Variants in PHF21B observed in about 807,000 individuals in gnomAD.
The protein encoded by PHF21B is PHD finger protein 21B, also known as PHD finger protein 4.
In PHF21B, 22 loss-of-function variants were observed where a neutral mutation model predicts 62.2. The observed-to-expected ratio is 0.35, with a 90% CI of 0.25 to 0.51. The LOEUF (loss-of-function observed/expected upper bound fraction) is 0.51. PHF21B is among the 20% of genes least tolerant of loss of function. PHF21B has a pLI of 0.97. For missense variants in PHF21B, 701 were observed against 707.9 expected, an observed-to-expected ratio of 0.99 and a Z score of 0.11; for synonymous variants, 341 against 314.7, an observed-to-expected ratio of 1.08 and a Z score of -0.88.
intron 2 of PHF21B, among the ~76,000 whole-genome samples, chr22:44,968,196 A>G (rs1212808753): frequency 6.6e-6 from 1 of 152,170 alleles, no homozygotes; most frequent in Non-Finnish European, 1.5e-5. Context: ...AGGGCGGAGT[A>G]GCTACATAAA....
chr22:44,912,970 T>C (rs534136729), intron 5 of PHF21B, among the ~76,000 whole-genome samples: 12 of 147,484 alleles, frequency 8.1e-5, no homozygotes, highest in African/African-American at 2.5e-4. Context: ...GAGTGGAGGA[T>C]GTGGGGCTGG....
intron 12 of PHF21B, among the ~76,000 whole-genome samples, chr22:44,884,386 C>T (rs1338170545): frequency 7.7e-5 from 2 of 26,106 alleles, no homozygotes; most frequent in Non-Finnish European, 1.9e-4. Context: ...ACCACCATCA[C>T]GGTGATGAGC....
intron 5 of PHF21B, among the ~76,000 whole-genome samples, chr22:44,908,479 G>C (rs1238338213): frequency 6.6e-6 from 1 of 152,140 alleles, no homozygotes; most frequent in African/African-American, 2.4e-5. Flanking sequence ...GGACACTGCT[G>C]ACTCGACGTC....
In PHF21B at chr22:44,883,111, A is replaced by G. The variant is rs1368684410; in HGVS notation, c.1571T>C (p.Val524Ala). 1.9e-6 allele frequency: 3 copies of G among 1,611,866 alleles called. No individual in the cohort carries two copies. The highest frequency in any genetic ancestry group is 2.2e-5 in the South Asian group (2 of 90,984). Residue 524 changes from valine (V) to alanine (A), a missense_variant, in exon 13 of 13, where the codon GTC becomes GCC. Physicochemically the swap from Val to Ala is moderately conservative, Grantham distance 64. Coordinates refer to ENST00000313237, the MANE Select transcript of PHF21B (RefSeq NM_138415.5). ...KPSVAATHPT[V>A]QHPQGHN Reference sequence around the variant, plus strand: ...TCAGTTGTGGCCCTGGGGGTGCTGGACGGTGGGGTGTGTGGCTGCCACTGA... The same window carrying G: ...TCAGTTGTGGCCCTGGGGGTGCTGGGCGGTGGGGTGTGTGGCTGCCACTGA...
chr22:44,888,978 C>T (rs1467376641), intron 9 of PHF21B, among the ~76,000 whole-genome samples: 1 of 152,204 alleles, frequency 6.6e-6, no homozygotes, highest in South Asian at 2.1e-4. Flanking sequence ...TCCACATGCC[C>T]GCCCTGGATG....
intron 2 of PHF21B, among the ~76,000 whole-genome samples, chr22:44,986,590 T>C (rs2072954293): frequency 6.6e-6 from 1 of 150,458 alleles, no homozygotes; most frequent in African/African-American, 2.4e-5. Context: ...CCCCCACATG[T>C]TTAGTATGTC....
chr22:44,962,115 C>T (rs545961028), intron 2 of PHF21B, among the ~76,000 whole-genome samples: 12 of 152,144 alleles, frequency 7.9e-5, no homozygotes, highest in Middle Eastern at 3.4e-3. Context: ...TATTTTCTTT[C>T]CAATATATAC....
intron 4 of PHF21B, among the ~76,000 whole-genome samples, chr22:44,914,814 G>GA (rs1240207013): frequency 6.6e-6 from 1 of 152,200 alleles, no homozygotes; most frequent in Non-Finnish European, 1.5e-5. Context: ...GTGTGATGCT[G>GA]AAAGTCAGCC....
chr22:44,987,662 A>C (rs1472259012), intron 2 of PHF21B, among the ~76,000 whole-genome samples: 1 of 151,552 alleles, frequency 6.6e-6, no homozygotes, highest in Non-Finnish European at 1.5e-5. Context: ...TGGTCATTAC[A>C]TCCGGACCCC....
intron 4 of PHF21B, among the ~76,000 whole-genome samples, chr22:44,914,875 T>C (rs2147299697): frequency 6.6e-6 from 1 of 152,258 alleles, no homozygotes; most frequent in Non-Finnish European, 1.5e-5. Flanking sequence ...ATCCGCTCCA[T>C]CTCTAGCTCT....
chr22:44,883,375 C>A, intron 12 of PHF21B, 71 bp from the exon 13 acceptor site: 2 of 1,439,200 alleles, frequency 1.4e-6, no homozygotes, highest in Non-Finnish European at 1.9e-6. Context: ...CAGCCACCGT[C>A]TGGGCCCCTC....
At chr22:44,952,017 T>G (rs1317299691) in intron 2 of PHF21B, among the ~76,000 whole-genome samples, 1 of 152,228 alleles carries the variant, frequency 6.6e-6, no homozygotes, top group Non-Finnish European at 1.5e-5. Flanking sequence ...TTCTCTGTGA[T>G]GGTGCTCACT....
rs2073363962 is a variant in PHF21B, at chr22:45,008,344, GCCCGGCTCTCCCTGCCGCCTCCGAGAA to G, written c.120+174_120+200del. 9 of 456,632 alleles carry G rather than the reference GCCCGGCTCTCCCTGCCGCCTCCGAGAA, an allele frequency of 2.0e-5. No individual in the cohort carries two copies. The East Asian group carries it at 3.3e-4, about 17-fold the overall frequency. 28.3% of individuals were successfully genotyped at this position (456,632 alleles called of 1,614,324 possible). ...AGCTCCTCTCTTCGGCCCCCGCAGGGCCCGGCTCTCCCTGCCGCCTCCGAGAACCCGGCTCTTTCTTTCCAGGAAAGG... is the reference window on the plus strand; with the variant it reads ...AGCTCCTCTCTTCGGCCCCCGCAGGGCCCGGCTCTTTCTTTCCAGGAAAGG... On this transcript the variant is annotated intron_variant, in intron 2 of 12. Transcript: ENST00000313237.
chr22:44,935,826 A>C (rs2071834986), intron 2 of PHF21B, among the ~76,000 whole-genome samples: 1 of 151,992 alleles, frequency 6.6e-6, no homozygotes, highest in African/African-American at 2.4e-5. Flanking sequence ...AGTTAGCGAG[A>C]CTAGAAAAGT....
At chr22:44,895,619 C>G (rs1001683851) in intron 6 of PHF21B, among the ~76,000 whole-genome samples, 1 of 152,168 alleles carries the variant, frequency 6.6e-6, no homozygotes, top group Non-Finnish European at 1.5e-5. Flanking sequence ...CAGAAGTAAC[C>G]TGCCCACACT....
Position 45,009,601 on chromosome 22 carries a change from A to G in PHF21B, c.-52T>C, listed in dbSNP as rs751830783. On this transcript the variant is annotated 5_prime_UTR_variant, in exon 1 of 13. Transcript: ENST00000313237. This position sits in a 1 kb window ranked among gnomAD's most constrained non-coding sequence, Gnocchi z 5.9. ...CTCACTTTGGCCCGGGCTCCCGGGA[A>G]GTTGCGCGGCTCCGCGGGGGCCAGA... 1.3e-4 allele frequency: 195 copies of G among 1,482,704 alleles called. No individual in the cohort carries two copies. Among genetic ancestry groups the G allele is most frequent in the Non-Finnish European group, 1.6e-4 (185 of 1,124,094 alleles). 91.8% of individuals were successfully genotyped at this position (1,482,704 alleles called of 1,614,324 possible).
intron 2 of PHF21B, among the ~76,000 whole-genome samples, chr22:44,949,206 C>T (rs1296758232): frequency 6.7e-6 from 1 of 148,330 alleles, no homozygotes; most frequent in Non-Finnish European, 1.5e-5. Context: ...GAGGCTGAGG[C>T]AGGAGAACTG....
At position 44,933,267 on chromosome 22, in the gene PHF21B, A is replaced by C. The variant is rs140011911; in HGVS notation, c.121-12777T>G. 3.2e-3 allele frequency among the ~76,000 whole-genome samples: 492 copies of C among 152,128 alleles called. 2 individuals carry two copies. Among genetic ancestry groups the C allele is most frequent in the African/African-American group, 0.011 (437 of 41,494 alleles). On this transcript the variant is annotated intron_variant, in intron 2 of 12. Coordinates refer to ENST00000313237, the MANE Select transcript of PHF21B (RefSeq NM_138415.5). Reference sequence around the variant, plus strand: ...GCTGGGATTACAGGCATGTGCCACCACGCCTGGCTAATTTTGTATTTTTGG... The same window carrying C: ...GCTGGGATTACAGGCATGTGCCACCCCGCCTGGCTAATTTTGTATTTTTGG...
At chr22:44,916,226 G>T in intron 4 of PHF21B, 54 bp downstream of exon 4, 1 of 1,524,510 alleles carries the variant, frequency 6.6e-7, no homozygotes, top group South Asian at 1.2e-5. Flanking sequence ...GATTGCTCTC[G>T]GCCTCCTGTA....
Sources: allele counts gnomAD v4.1 joint callset (sites outside exome capture counted in the v4.1 genomes callset), GRCh38; gene constraint gnomAD v4.1.1; non-coding constraint Gnocchi (gnomAD v3.1); transcripts MANE v1.5; gene names NCBI Gene and HGNC (gene_info 2026-07-23, HGNC 2026-07-21).